The following GALNT18 variants were observed in gnomAD, a reference collection of about 807,000 sequenced individuals.
GALNT18 encodes polypeptide N-acetylgalactosaminyltransferase 18.
Under a neutral mutation model 69.5 loss-of-function variants are expected in GALNT18, and 44 were observed. That is an observed-to-expected ratio of 0.63 (90% confidence interval 0.50 to 0.81). The LOEUF is 0.81. Ranked by LOEUF, GALNT18 falls within the 40% of genes least tolerant of loss-of-function variation. The pLI is 0.00. For missense variants in GALNT18, 715 were observed against 810.0 expected, an observed-to-expected ratio of 0.88 and a Z score of 1.42; for synonymous variants, 364 against 318.2, an observed-to-expected ratio of 1.14 and a Z score of -1.53.
At chr11:11,575,607 C>G (rs1227429860) in intron 1 of GALNT18, among the ~76,000 whole-genome samples, 2 of 152,216 alleles carry the variant, frequency 1.3e-5, no homozygotes, top group African/African-American at 4.8e-5. Flanking sequence ...AGTTCTCATG[C>G]CTTGGAACTC....
intron 6 of GALNT18, among the ~76,000 whole-genome samples, chr11:11,369,249 TCA>T (rs1326156900): frequency 4.6e-5 from 7 of 152,336 alleles, no homozygotes; most frequent in Admixed American, 1.3e-4. Flanking sequence ...ATTTATTCTC[TCA>T]CAGTTCTGGA....
chr11:11,386,966 C>A (rs925474431), intron 3 of GALNT18, among the ~76,000 whole-genome samples: 4 of 152,196 alleles, frequency 2.6e-5, no homozygotes, highest in Non-Finnish European at 5.9e-5. Context: ...ACCAGAGAAT[C>A]TGAATTTCAA....
chr11:11,289,797 C>A (rs1202252215), intron 10 of GALNT18, among the ~76,000 whole-genome samples: 1 of 152,192 alleles, frequency 6.6e-6, no homozygotes, highest in Non-Finnish European at 1.5e-5. Flanking sequence ...GCTTCAGATT[C>A]AGCCAGTGAA....
At chr11:11,296,267 C>T (rs1374172728) in intron 9 of GALNT18, among the ~76,000 whole-genome samples, 1 of 152,162 alleles carries the variant, frequency 6.6e-6, no homozygotes, top group Admixed American at 6.5e-5. Flanking sequence ...TTGTACTCAC[C>T]TACCCCAACT....
intron 1 of GALNT18, among the ~76,000 whole-genome samples, chr11:11,607,665 A>G (rs1462366545): frequency 3.9e-5 from 6 of 152,356 alleles, no homozygotes; most frequent in African/African-American, 1.2e-4. Context: ...AATTGAAATT[A>G]TAAGTCACAT....
At chr11:11,443,266 C>T (rs1410138708) in intron 2 of GALNT18, among the ~76,000 whole-genome samples, 1 of 152,164 alleles carries the variant, frequency 6.6e-6, no homozygotes. Context: ...ACAACTCACA[C>T]CCATCTTTTC....
chr11:11,464,697 G>T (rs1856118805), intron 1 of GALNT18, among the ~76,000 whole-genome samples: 1 of 152,226 alleles, frequency 6.6e-6, no homozygotes, highest in Non-Finnish European at 1.5e-5. Flanking sequence ...GCAGAGAGCA[G>T]CATAGCCTAG....
rs976770113 is a variant in GALNT18 at position 11,465,355 on chromosome 11, G to A, written c.236-16419C>T. Among the ~76,000 whole-genome samples the A allele has an allele frequency of 6.6e-6, 1 of 152,182 alleles. No individual in the cohort carries two copies. Among genetic ancestry groups the A allele is most frequent in the African/African-American group, 2.4e-5 (1 of 41,450 alleles). On this transcript the variant is annotated intron_variant, in intron 1 of 10. Coordinates refer to ENST00000227756, the MANE Select transcript of GALNT18 (RefSeq NM_198516.3). This position sits in a 1 kb window ranked among gnomAD's most constrained non-coding sequence, Gnocchi z 5.7. ...ACACTGTGTAGCCCAGGGCTAGGAA[G>A]CAGAGATTCCCACCTTATGGAGCTG...
At chr11:11,271,341 G>T (rs748951329) in intron 10 of GALNT18, 51 bp from the exon 11 acceptor site, 9 of 1,580,448 alleles carry the variant, frequency 5.7e-6, no homozygotes, top group Non-Finnish European at 7.8e-6. Context: ...GCAACATGCA[G>T]AAATTCGGGA....
intron 1 of GALNT18, among the ~76,000 whole-genome samples, chr11:11,527,081 C>T (rs1263296126): frequency 6.6e-6 from 1 of 152,108 alleles, no homozygotes; most frequent in African/African-American, 2.4e-5. Context: ...ATGACCTTGG[C>T]ATTCCTGGCC....
intron 10 of GALNT18, among the ~76,000 whole-genome samples, chr11:11,273,396 AACAG>A (rs1346302790): frequency 1.3e-5 from 2 of 152,234 alleles, no homozygotes; most frequent in Non-Finnish European, 2.9e-5. Flanking sequence ...AAAAGATCTG[AACAG>A]ACATTCCACA....
chr11:11,522,561 A>G (rs1426641778), intron 1 of GALNT18, among the ~76,000 whole-genome samples: 3 of 152,206 alleles, frequency 2.0e-5, no homozygotes, highest in African/African-American at 7.2e-5. Context: ...CAACAAGCAG[A>G]GGGAAGACCT....
At chr11:11,510,117 C>T (rs1857139437) in intron 1 of GALNT18, among the ~76,000 whole-genome samples, 1 of 152,196 alleles carries the variant, frequency 6.6e-6, no homozygotes, top group East Asian at 1.9e-4. Flanking sequence ...AGGGAAGACT[C>T]AGCTGCAGCC....
At chr11:11,509,057 T>C (rs952842397) in intron 1 of GALNT18, among the ~76,000 whole-genome samples, 7 of 152,164 alleles carry the variant, frequency 4.6e-5, no homozygotes, top group Non-Finnish European at 8.8e-5. Context: ...AAACTGAACT[T>C]TTCTCTTCTT....
Position 11,461,397 on chromosome 11 carries a change from T to C in GALNT18, c.236-12461A>G, listed in dbSNP as rs7114580. 0.025 allele frequency among the ~76,000 whole-genome samples: 3,780 copies of C among 152,290 alleles called. 134 individuals are homozygous for C. Among genetic ancestry groups the C allele is most frequent in the African/African-American group, 0.087 (3,602 of 41,544 alleles). The stretch of plus-strand genomic sequence containing the variant: ...AAGTTTTTACACTCCATGCCAACTA[T>C]ATAAAGTACATGTGAAAAAACTCAT... On this transcript the variant is annotated intron_variant, in intron 1 of 10. Coordinates refer to ENST00000227756, the MANE Select transcript of GALNT18 (RefSeq NM_198516.3). The surrounding 1 kb of genome is among the most constrained non-coding windows in gnomAD (Gnocchi z 4.1).
At position 11,505,321 on chromosome 11, in the gene GALNT18, A is replaced by T. The variant is rs996801774; in HGVS notation, c.236-56385T>A. Among the ~76,000 whole-genome samples the T allele has an allele frequency of 6.6e-5, 10 of 152,142 alleles. No homozygotes were observed. Among genetic ancestry groups the T allele is most frequent in the African/African-American group, 2.4e-4 (10 of 41,436 alleles). On this transcript the variant is annotated intron_variant, in intron 1 of 10. Transcript: ENST00000227756. The surrounding 1 kb of genome is among the most constrained non-coding windows in gnomAD (Gnocchi z 4.6). ...CTTAAGTAAAAACAAGAAGACAGGA[A>T]AGGACAGACCACACTAAGATAACAG...
At chr11:11,508,085 C>A (rs1222288063) in intron 1 of GALNT18, among the ~76,000 whole-genome samples, 2 of 152,140 alleles carry the variant, frequency 1.3e-5, no homozygotes, top group East Asian at 1.9e-4. Flanking sequence ...AATATACATT[C>A]CATGTTTAAA....
rs2171343 is a variant in GALNT18 at position 11,461,692 on chromosome 11, G to A, written c.236-12756C>T. ...ATCAATCTATTGGAATGAACAAGCC[G>A]GACCAACCCTGCTAATGTTAAAGAG... On this transcript the variant is annotated intron_variant, in intron 1 of 10. Coordinates refer to ENST00000227756, the MANE Select transcript of GALNT18 (RefSeq NM_198516.3). This position sits in a 1 kb window ranked among gnomAD's most constrained non-coding sequence, Gnocchi z 4.1. Among the ~76,000 whole-genome samples the A allele has an allele frequency of 8.2e-3, 1,243 of 152,220 alleles. 9 individuals carry two copies. Among genetic ancestry groups the A allele is most frequent in the African/African-American group, 0.028 (1,144 of 41,516 alleles).
In GALNT18 at chr11:11,432,730, G is replaced by A. The variant is rs115943252; in HGVS notation, c.486C>T (p.Phe162=). 25 of 1,614,104 alleles carry A rather than the reference G, an allele frequency of 1.5e-5. No individual in the cohort carries two copies. The highest frequency in any genetic ancestry group is 1.3e-4 in the East Asian group (6 of 44,872). The change falls in exon 3 of 11, where the codon TTC becomes TTT. Residue 162 remains phenylalanine (F), a synonymous_variant. Transcript: ENST00000227756. This position sits in a 1 kb window ranked among gnomAD's most constrained non-coding sequence, Gnocchi z 5.8. ...GCAGCACTGAAAGCGCTTCATTGAC[G>A]AAGATGAACACGATGCTCACCTCTG... The part of the protein sequence containing the change: ...SLPEVSIVFI[F]VNEALSVLLR...
Sources: allele counts gnomAD v4.1 joint callset (sites outside exome capture counted in the v4.1 genomes callset), GRCh38; gene constraint gnomAD v4.1.1; non-coding constraint Gnocchi (gnomAD v3.1); transcripts MANE v1.5; gene names NCBI Gene and HGNC (gene_info 2026-07-23, HGNC 2026-07-21).